The following SEPHS1 variants were observed in gnomAD, a reference collection of about 807,000 sequenced individuals.
SEPHS1 encodes the protein zincore component SEPHS1.
In SEPHS1, 7 loss-of-function variants were observed where a neutral mutation model predicts 39.2. That is an observed-to-expected ratio of 0.18 (90% CI 0.10 to 0.34). SEPHS1 has a LOEUF of 0.34. SEPHS1 is among the 10% of genes least tolerant of loss of function. SEPHS1 has a pLI of 1.00. For missense variants in SEPHS1, 253 were observed against 514.5 expected, an observed-to-expected ratio of 0.49 and a Z score of 4.92; for synonymous variants, 190 against 195.5, an observed-to-expected ratio of 0.97 and a Z score of 0.23.
intron 2 of SEPHS1, among the ~76,000 whole-genome samples, chr10:13,340,964 C>A (rs1378729444): frequency 6.6e-6 from 1 of 152,178 alleles, no homozygotes; most frequent in African/African-American, 2.4e-5. Context: ...AAACCAACAT[C>A]TCATTAATAA....
chr10:13,344,046 C>T (rs1409501300), intron 2 of SEPHS1, among the ~76,000 whole-genome samples: 1 of 152,152 alleles, frequency 6.6e-6, no homozygotes, highest in African/African-American at 2.4e-5. Flanking sequence ...AAGAAAAAGA[C>T]ATTGCCCTGG....
intron 6 of SEPHS1, among the ~76,000 whole-genome samples, chr10:13,329,074 A>T (rs1010171008): frequency 6.6e-6 from 1 of 152,234 alleles, no homozygotes; most frequent in Non-Finnish European, 1.5e-5. Context: ...TAAATGCACC[A>T]TGATATGTGA....
At chr10:13,342,631 T>C (rs1833825271) in intron 2 of SEPHS1, among the ~76,000 whole-genome samples, 1 of 152,100 alleles carries the variant, frequency 6.6e-6, no homozygotes. Flanking sequence ...ATATATACCA[T>C]ATATACTTGT....
intron 7 of SEPHS1, among the ~76,000 whole-genome samples, chr10:13,327,193 A>G (rs1256338585): frequency 6.9e-6 from 1 of 145,286 alleles, no homozygotes; most frequent in Non-Finnish European, 1.5e-5. Flanking sequence ...GTGAGCCGAG[A>G]TCACACCAAT....
chr10:13,319,470 A>AT (rs1353820882), intron 8 of SEPHS1, 114 bp from the exon 9 acceptor site: 1 of 1,046,628 alleles, frequency 9.6e-7, no homozygotes, highest in Non-Finnish European at 1.4e-6. Flanking sequence ...ACCTATATGC[A>AT]AGTAGCTCTT....
At position 13,329,705 on chromosome 10, in the gene SEPHS1, A is replaced by C; in HGVS notation, c.644T>G (p.Leu215Arg). ...CAGCAGTGGTTTACTCACGATATCC[A>C]GCCACTGGTGCACAGCCACTGCCAC... ...TQVAVAVHQW[L>R]DIPEKWNKIK... The change falls in exon 6 of 9, where the codon CTG becomes CGG. Residue 215 changes from leucine to arginine, a missense_variant. Leu to Arg is a moderately radical substitution (Grantham distance 102). Coordinates refer to ENST00000327347, the MANE Select transcript of SEPHS1 (RefSeq NM_012247.5). The C allele has an allele frequency of 1.2e-6, 2 of 1,603,686 alleles. No individual in the cohort carries two copies. Among genetic ancestry groups the C allele is most frequent in the South Asian group, 2.3e-5 (2 of 88,424 alleles).
intron 8 of SEPHS1, 143 bp downstream of exon 8, chr10:13,322,692 G>A (rs1293184419): frequency 5.4e-6 from 4 of 741,098 alleles, no homozygotes; most frequent in Non-Finnish European, 8.9e-6. Flanking sequence ...GAGGAGGAAA[G>A]GCACCAGCTG....
At chr10:13,332,855 C>CA (rs1833512938) in intron 5 of SEPHS1, among the ~76,000 whole-genome samples, 1 of 148,078 alleles carries the variant, frequency 6.8e-6, no homozygotes, top group African/African-American at 2.5e-5. Flanking sequence ...AAAAAAAAAA[C>CA]AAAAACACCT....
At chr10:13,332,824 C>T (rs764918113) in intron 5 of SEPHS1, among the ~76,000 whole-genome samples, 46 of 149,284 alleles carry the variant, frequency 3.1e-4, no homozygotes, top group Non-Finnish European at 5.0e-4. Flanking sequence ...GCCTGGGCGA[C>T]GGAGTAAGAC....
intron 3 of SEPHS1, among the ~76,000 whole-genome samples, chr10:13,337,946 C>G (rs927367209): frequency 2.0e-5 from 3 of 152,214 alleles, no homozygotes; most frequent in African/African-American, 4.8e-5. Context: ...TCCCACTGTC[C>G]TTGCCACACA....
At chr10:13,334,397 C>T (rs1833563126) in intron 4 of SEPHS1, among the ~76,000 whole-genome samples, 1 of 152,016 alleles carries the variant, frequency 6.6e-6, no homozygotes, top group African/African-American at 2.4e-5. Context: ...AAAAATTAGC[C>T]GGGTGTGGTA....
rs1319870240 is a variant in SEPHS1, at chr10:13,348,145, C to CGCGCCTGG, written c.-232_-225dup. On this transcript the variant is annotated 5_prime_UTR_variant, in exon 1 of 9. Coordinates refer to ENST00000327347, the MANE Select transcript of SEPHS1 (RefSeq NM_012247.5). ...GGCGGCGGCGGCGGGGGCCCGGGCC[C>CGCGCCTGG]GCGCCTGGGCGCCGCGGGGGCTCGC... 4.8e-5 allele frequency: 7 copies of CGCGCCTGG among 144,554 alleles called. No individual in the cohort carries two copies. Among genetic ancestry groups the CGCGCCTGG allele is most frequent in the Non-Finnish European group, 9.2e-5 (6 of 65,180 alleles). 9.0% of individuals were successfully genotyped at this position (144,554 alleles called of 1,614,324 possible).
intron 8 of SEPHS1, chr10:13,321,979 C>T (rs1368094306): frequency 4.5e-6 from 2 of 445,164 alleles, no homozygotes; most frequent in Non-Finnish European, 9.0e-6. Context: ...CAGACCTGCA[C>T]TGCTGTCTGA....
At chr10:13,329,098 T>C (rs1318096940) in intron 6 of SEPHS1, among the ~76,000 whole-genome samples, 7 of 152,344 alleles carry the variant, frequency 4.6e-5, no homozygotes, top group African/African-American at 1.7e-4. Flanking sequence ...TATACCCCAA[T>C]CTTATTAATT....
chr10:13,330,661 C>T (rs1833434378), intron 5 of SEPHS1, among the ~76,000 whole-genome samples: 1 of 152,120 alleles, frequency 6.6e-6, no homozygotes, highest in African/African-American at 2.4e-5. Flanking sequence ...CCACAGACTT[C>T]AATACCAACA....
At chr10:13,338,435 G>C (rs945210792) in intron 3 of SEPHS1, among the ~76,000 whole-genome samples, 2 of 152,156 alleles carry the variant, frequency 1.3e-5, no homozygotes, top group South Asian at 4.1e-4. Context: ...CTAAACAAGA[G>C]GTGTTCTTAC....
At chr10:13,344,615 C>T (rs1833876668) in intron 2 of SEPHS1, 143 bp downstream of exon 2, 1 of 555,650 alleles carries the variant, frequency 1.8e-6, no homozygotes, top group African/African-American at 2.0e-5. Flanking sequence ...ATTCATGTAA[C>T]AAAACTGCAT....
At chr10:13,346,722 A>G (rs1472051669) in intron 1 of SEPHS1, among the ~76,000 whole-genome samples, 1 of 152,176 alleles carries the variant, frequency 6.6e-6, no homozygotes, top group Non-Finnish European at 1.5e-5. Context: ...TACCAGGAAA[A>G]AAAAAAGAAA....
intron 2 of SEPHS1, among the ~76,000 whole-genome samples, chr10:13,342,423 A>C (rs1833819099): frequency 2.0e-5 from 3 of 151,670 alleles, no homozygotes; most frequent in South Asian, 2.1e-4. Context: ...TCTACTAAAA[A>C]CACAAAAAAA....
Sources: allele counts gnomAD v4.1 joint callset (sites outside exome capture counted in the v4.1 genomes callset), GRCh38; gene constraint gnomAD v4.1.1; transcripts MANE v1.5; gene names NCBI Gene and HGNC (gene_info 2026-07-23, HGNC 2026-07-21).